LRRC8C: variants seen among roughly 807,000 people sequenced by gnomAD.
LRRC8C encodes the protein volume-regulated anion channel subunit LRRC8C.
LRRC8C carries 20 observed loss-of-function variants against 55.3 expected under a neutral mutation model. The ratio of observed to expected loss-of-function variants is 0.36; its 90% CI spans 0.25 to 0.53. The LOEUF (loss-of-function observed/expected upper bound fraction) is 0.53, where lower values mean the gene tolerates loss of function less well. LRRC8C is among the 20% of genes least tolerant of loss of function. The probability of loss-of-function intolerance (pLI) is 0.92; values close to 1 mark genes in which losing one functional copy is unlikely to be tolerated. For synonymous variants in LRRC8C, 376 were observed against 360.7 expected, an observed-to-expected ratio of 1.04 and a Z score of -0.48; for missense variants, 659 against 951.4, an observed-to-expected ratio of 0.69 and a Z score of 4.04.
intron 2 of LRRC8C, among the ~76,000 whole-genome samples, chr1:89,704,889 G>A (rs958267050): frequency 2.0e-5 from 3 of 152,038 alleles, no homozygotes; most frequent in Admixed American, 2.0e-4. Flanking sequence ...TCTAGAACTA[G>A]AAATACCATT....
chr1:89,634,121 G>C (rs1194351772), intron 1 of LRRC8C, among the ~76,000 whole-genome samples: 1 of 152,162 alleles, frequency 6.6e-6, no homozygotes, highest in East Asian at 1.9e-4. Context: ...AGTCCAAACA[G>C]TTTCTTCCAA....
chr1:89,702,569 T>TA (rs1261178970), intron 2 of LRRC8C, among the ~76,000 whole-genome samples: 1 of 151,514 alleles, frequency 6.6e-6, no homozygotes, highest in Non-Finnish European at 1.5e-5. Context: ...ACCCTATCTC[T>TA]AAAAAAATAA....
rs139178832 is a variant in LRRC8C, at chr1:89,713,970, A to T, written c.1400A>T (p.Asp467Val). ...VMIPATIAQL[D>V]NLQELSLHQC... is the part of the protein sequence containing the mutation. The stretch of plus-strand genomic sequence containing the variant: ...ATACCAGCCACCATTGCACAGCTAG[A>T]CAATCTTCAAGAGCTCTCTCTGCAC... The change falls in exon 3 of 3, where the codon GAC (aspartate) becomes GTC (valine). Residue 467 changes from aspartate to valine, a missense_variant. Asp to Val is a radical substitution (Grantham distance 152). Around this residue, in one of 5 missense-constraint regions of LRRC8C, gnomAD observed 344 missense variants for 464.6 expected, o/e 0.74. Transcript: ENST00000370454. This position sits in a 1 kb window ranked among gnomAD's most constrained non-coding sequence, Gnocchi z 5.2. 1,928 of 1,613,574 alleles carry T rather than the reference A, an allele frequency of 1.2e-3. 6 individuals carry two copies. Among genetic ancestry groups the T allele is most frequent in the Non-Finnish European group, 1.5e-3 (1,763 of 1,180,020 alleles).
chr1:89,686,151 T>C (rs1657876748), intron 1 of LRRC8C, among the ~76,000 whole-genome samples: 1 of 152,092 alleles, frequency 6.6e-6, no homozygotes, highest in African/African-American at 2.4e-5. Context: ...CATCTTCATG[T>C]TCTGTTTAAG....
the LRRC8C span, among the ~76,000 whole-genome samples, chr1:89,627,459 A>T: frequency 6.6e-6 from 1 of 152,168 alleles, no homozygotes. Flanking sequence ...TTTCAGTTGT[A>T]AAGTGCTTTT....
At chr1:89,637,203 T>C (rs1226542054) in intron 1 of LRRC8C, among the ~76,000 whole-genome samples, 2 of 152,048 alleles carry the variant, frequency 1.3e-5, no homozygotes, top group Non-Finnish European at 2.9e-5. Context: ...CCTCATTAGG[T>C]TGCAAATATA....
chr1:89,640,183 G>A (rs569497304), intron 1 of LRRC8C, among the ~76,000 whole-genome samples: 3 of 152,314 alleles, frequency 2.0e-5, no homozygotes, highest in Admixed American at 2.0e-4. Flanking sequence ...TCCTGCCTCA[G>A]CCTCCCAAGT....
At chr1:89,658,168 A>T (rs182691414) in intron 1 of LRRC8C, among the ~76,000 whole-genome samples, 1 of 152,216 alleles carries the variant, frequency 6.6e-6, no homozygotes, top group African/African-American at 2.4e-5. Context: ...CGTTTCTGGT[A>T]TTGGAGTTGT....
At chr1:89,705,984 T>C (rs1658470624) in intron 2 of LRRC8C, among the ~76,000 whole-genome samples, 1 of 152,110 alleles carries the variant, frequency 6.6e-6, no homozygotes, top group Non-Finnish European at 1.5e-5. Flanking sequence ...TCTTAACTTA[T>C]AAAGTGATCC....
At chr1:89,651,974 A>G (rs916914845) in intron 1 of LRRC8C, among the ~76,000 whole-genome samples, 2 of 152,234 alleles carry the variant, frequency 1.3e-5, no homozygotes, top group Admixed American at 6.5e-5. Context: ...GCATTTTGTC[A>G]GGAACACTCA....
intron 2 of LRRC8C, among the ~76,000 whole-genome samples, chr1:89,699,114 G>T (rs1658250481): frequency 1.3e-5 from 2 of 152,208 alleles, no homozygotes; most frequent in South Asian, 4.1e-4. Context: ...ACATTGCTAA[G>T]TGAAAGAAGC....
At chr1:89,621,372 G>C in the LRRC8C span, among the ~76,000 whole-genome samples, 1 of 152,152 alleles carries the variant, frequency 6.6e-6, no homozygotes, top group African/African-American at 2.4e-5. Context: ...AGGAGGCTGA[G>C]GCAGGAGAAT....
chr1:89,615,878 AAC>A, the LRRC8C span, among the ~76,000 whole-genome samples: 1 of 152,196 alleles, frequency 6.6e-6, no homozygotes, highest in African/African-American at 2.4e-5. Flanking sequence ...AGATGATTAA[AAC>A]AGTTTTCTGC....
intron 1 of LRRC8C, among the ~76,000 whole-genome samples, chr1:89,677,161 T>C (rs1657575086): frequency 6.6e-6 from 1 of 151,956 alleles, no homozygotes; most frequent in Non-Finnish European, 1.5e-5. Context: ...GAACTAAAAT[T>C]GCTAGGTAGA....
chr1:89,692,128 A>G (rs1439864853), intron 2 of LRRC8C, among the ~76,000 whole-genome samples: 1 of 152,236 alleles, frequency 6.6e-6, no homozygotes, highest in African/African-American at 2.4e-5. Flanking sequence ...TGATAACTTT[A>G]TAAACAAAGG....
chr1:89,693,462 C>G (rs559244341), intron 2 of LRRC8C, among the ~76,000 whole-genome samples: 4 of 152,140 alleles, frequency 2.6e-5, no homozygotes, highest in East Asian at 3.9e-4. Context: ...TGTATACTGT[C>G]TGGGATTTCT....
intron 2 of LRRC8C, among the ~76,000 whole-genome samples, chr1:89,690,961 T>C (rs1231541284): frequency 6.6e-6 from 1 of 152,206 alleles, no homozygotes; most frequent in Non-Finnish European, 1.5e-5. Context: ...TTGTCTGAGA[T>C]GACAAGGTTC....
intron 1 of LRRC8C, chr1:89,661,391 C>T: frequency 3.1e-6 from 1 of 317,584 alleles, no homozygotes; most frequent in Non-Finnish European, 6.2e-6. Flanking sequence ...CCTCCAGCTC[C>T]AATGAATACA....
chr1:89,674,266 A>G (rs1002227505), intron 1 of LRRC8C, among the ~76,000 whole-genome samples: 2 of 152,170 alleles, frequency 1.3e-5, no homozygotes, highest in Non-Finnish European at 2.9e-5. Context: ...GAGACCAGTA[A>G]CATTTGGCTA....
Sources: allele counts gnomAD v4.1 joint callset (sites outside exome capture counted in the v4.1 genomes callset), GRCh38; gene constraint gnomAD v4.1.1; regional missense constraint gnomAD v4.1.1; non-coding constraint Gnocchi (gnomAD v3.1); transcripts MANE v1.5; gene names NCBI Gene and HGNC (gene_info 2026-07-23, HGNC 2026-07-21).